The following GON4L variants were observed in gnomAD, a reference collection of about 807,000 sequenced individuals.
GON4L encodes the protein GON-4-like protein.
In GON4L, 87 loss-of-function variants were observed where a neutral mutation model predicts 211.8. The ratio of observed to expected loss-of-function variants is 0.41; its 90% CI spans 0.35 to 0.49. The LOEUF (loss-of-function observed/expected upper bound fraction) is 0.49, where lower values mean the gene tolerates loss of function less well. Ranked by LOEUF, GON4L falls within the 20% of genes least tolerant of loss-of-function variation. GON4L has a pLI of 0.15. For synonymous variants in GON4L, 875 were observed against 962.6 expected (o/e 0.91, Z 1.68); for missense variants, 2,155 against 2,659.5 (o/e 0.81, Z 4.17).
In GON4L at chr1:155,766,623, G is replaced by A; in HGVS notation, c.2850C>T (p.Ile950=). ...EVGNMTGTTE[I]NSDRSLEKDN... Reference sequence around the variant, plus strand: ...CTTTTTCTAGGCTTCGATCTGAGTTGATCTCAGTGGTTCCAGTCATATTTC... The same window carrying A: ...CTTTTTCTAGGCTTCGATCTGAGTTAATCTCAGTGGTTCCAGTCATATTTC... Residue 950 remains isoleucine (I), a synonymous_variant, in exon 21 of 32, where the codon ATC becomes ATT. Coordinates refer to ENST00000368331, the MANE Select transcript of GON4L (RefSeq NM_001282860.2). The A allele has an allele frequency of 6.2e-7, 1 of 1,614,142 alleles. No homozygotes were observed.
intron 1 of GON4L, among the ~76,000 whole-genome samples, chr1:155,854,796 G>A (rs754621591): frequency 5.9e-5 from 9 of 152,112 alleles, no homozygotes; most frequent in African/African-American, 2.4e-5. Flanking sequence ...AACACTTTGG[G>A]AGGCCAAGGT....
At chr1:155,748,717 G>C, downstream of GON4L, 1 of 1,614,134 alleles carries the variant, frequency 6.2e-7, no homozygotes, top group Non-Finnish European at 8.5e-7. Flanking sequence ...TCTGCATGTG[G>C]GGAGCCTTCT....
chr1:155,752,915 A>G (rs1660759033), intron 29 of GON4L, among the ~76,000 whole-genome samples: 1 of 152,318 alleles, frequency 6.6e-6, no homozygotes, highest in Admixed American at 6.5e-5. Context: ...CCCAGTCTTT[A>G]GGATGTAGAT....
At chr1:155,755,543 C>T (rs183357252) in intron 27 of GON4L, among the ~76,000 whole-genome samples, 5 of 152,164 alleles carry the variant, frequency 3.3e-5, no homozygotes, top group Admixed American at 2.6e-4. Flanking sequence ...CTCCTCACAT[C>T]GCCTGGGGAA....
intron 20 of GON4L, chr1:155,767,010 C>G (rs1662577324): frequency 1.5e-5 from 8 of 547,632 alleles, no homozygotes; most frequent in Non-Finnish European, 2.3e-5. Flanking sequence ...CGCACCTTAG[C>G]CTGGGTGGAC....
At chr1:155,836,229 T>G (rs1419205877) in intron 2 of GON4L, among the ~76,000 whole-genome samples, 3 of 145,624 alleles carry the variant, frequency 2.1e-5, no homozygotes, top group Non-Finnish European at 4.5e-5. Flanking sequence ...TTGTTCCCCC[T>G]CAATGTGTGT....
intron 17 of GON4L, chr1:155,773,507 C>G (rs964343907): frequency 2.6e-6 from 1 of 377,934 alleles, no homozygotes; most frequent in Non-Finnish European, 4.9e-6. Context: ...CTAACAATAG[C>G]GTATGCTCAA....
At chr1:155,828,890 G>A (rs982164729) in intron 2 of GON4L, among the ~76,000 whole-genome samples, 9 of 151,842 alleles carry the variant, frequency 5.9e-5, no homozygotes, top group Non-Finnish European at 1.3e-4. Context: ...AAAATCCCTG[G>A]ACTATACACA....
chr1:155,762,804 G>A (rs952907862), intron 22 of GON4L, among the ~76,000 whole-genome samples: 2 of 152,198 alleles, frequency 1.3e-5, no homozygotes, highest in East Asian at 1.9e-4. Context: ...CTGGGAGGCC[G>A]AGGCGGGTGG....
At chr1:155,804,830 A>G in intron 11 of GON4L, 119 bp downstream of exon 11, 1 of 770,034 alleles carries the variant, frequency 1.3e-6, no homozygotes, top group Non-Finnish European at 2.3e-6. Context: ...ATAAATTATC[A>G]GTTAAATACA....
rs76791659 is a variant in GON4L, at chr1:155,838,855, G to A, written c.506-11827C>T. ...ATAAATGCTTATAAGTGAACTTTTT[G>A]TATAATTTAAAATCTTAAAATCGTT... On this transcript the variant is annotated intron_variant, in intron 2 of 31. Coordinates refer to ENST00000368331, the MANE Select transcript of GON4L (RefSeq NM_001282860.2). 5.3e-4 allele frequency among the ~76,000 whole-genome samples: 80 copies of A among 151,308 alleles called. 1 individual carries two copies. The East Asian group carries it at 0.014, about 27-fold the overall frequency.
chr1:155,859,163 T>G (rs61813620), upstream of GON4L: 1 of 152,480 alleles, frequency 6.6e-6, no homozygotes, highest in Non-Finnish European at 1.5e-5. Flanking sequence ...ATGATGGCAG[T>G]CGATACTGAA....
Position 155,814,460 on chromosome 1 carries a change from A to C in GON4L, c.1162-11T>G. ...ACTTTCCAATAAGCTCTACAAAATA[A>C]ATCCAGTTCGCCTTAATATTTATGC... On this transcript the variant is annotated splice_polypyrimidine_tract_variant and intron_variant, in intron 8 of 31. Transcript: ENST00000368331. The C allele has an allele frequency of 6.2e-7, 1 of 1,613,418 alleles. No individual in the cohort carries two copies.
Position 155,755,000 on chromosome 1 carries a change from G to C in GON4L, c.5518-512C>G, listed in dbSNP as rs554656736. Reference sequence around the variant, plus strand: ...TGGCTCACTGCAACCTCTGCCTCCTGGGCTCAAGTGATTTTCCCACCTCAG... The same window carrying C: ...TGGCTCACTGCAACCTCTGCCTCCTCGGCTCAAGTGATTTTCCCACCTCAG... On this transcript the variant is annotated intron_variant, in intron 27 of 31. Coordinates refer to ENST00000368331, the MANE Select transcript of GON4L (RefSeq NM_001282860.2). 2.0e-5 allele frequency among the ~76,000 whole-genome samples: 3 copies of C among 148,362 alleles called. No homozygotes were observed. The South Asian group carries it at 6.4e-4, about 31-fold the overall frequency.
chr1:155,748,369 G>A (rs1235621211), downstream of GON4L: 2 of 1,584,632 alleles, frequency 1.3e-6, no homozygotes, highest in African/African-American at 2.7e-5. Flanking sequence ...CAGGCCCGAG[G>A]CCAAGTGCCC....
intron 2 of GON4L, among the ~76,000 whole-genome samples, chr1:155,834,241 C>G (rs1437441259): frequency 6.6e-6 from 1 of 152,112 alleles, no homozygotes; most frequent in Admixed American, 6.6e-5. Flanking sequence ...TATCCTTATC[C>G]CTCCTTTGCT....
Position 155,775,200 on chromosome 1 carries a change from T to G in GON4L, c.2179-27A>C, listed in dbSNP as rs371682101. The G allele has an allele frequency of 5.6e-5, 90 of 1,614,100 alleles. No individual in the cohort carries two copies. The African/African-American group carries it at 1.1e-3, about 20-fold the overall frequency. On this transcript the variant is annotated intron_variant, in intron 16 of 31. Transcript: ENST00000368331. ...TGGGAAAACAGGACACAAGAAAGAT[T>G]TAAGACAATTCCAGACAATTAATAC... is the stretch of plus-strand genomic sequence containing the variant.
rs929982489 is a variant in GON4L, at chr1:155,752,181, C to T, written c.6252G>A (p.Arg2084=). 1.1e-5 allele frequency: 17 copies of T among 1,613,536 alleles called. No homozygotes were observed. Among genetic ancestry groups the T allele is most frequent in the Non-Finnish European group, 1.7e-6 (2 of 1,179,712 alleles). The change falls in exon 30 of 32, where the codon CGG becomes CGA. Residue 2084 remains arginine, a synonymous_variant. Transcript: ENST00000368331. ...GGCACGTCCTGTCTCTTGTCTTCACCCGAGCTCTGCTTGAGGGCAGCCATC... is the reference window on the plus strand; with the variant it reads ...GGCACGTCCTGTCTCTTGTCTTCACTCGAGCTCTGCTTGAGGGCAGCCATC... ...QERWLPSSRA[R]VKTRDRTCPV...
intron 2 of GON4L, among the ~76,000 whole-genome samples, chr1:155,834,591 G>C (rs1357942353): frequency 1.3e-5 from 2 of 152,150 alleles, no homozygotes; most frequent in African/African-American, 4.8e-5. Context: ...GAACAAAACA[G>C]GAGCTGATCA....
Sources: allele counts gnomAD v4.1 joint callset (sites outside exome capture counted in the v4.1 genomes callset), GRCh38; gene constraint gnomAD v4.1.1; transcripts MANE v1.5; gene names NCBI Gene and HGNC (gene_info 2026-07-23, HGNC 2026-07-21).